The following PAN3 variants were observed in gnomAD, a reference collection of about 807,000 sequenced individuals.
The protein encoded by PAN3 is PAN2-PAN3 deadenylation complex subunit PAN3.
Under a neutral mutation model 96.2 loss-of-function variants are expected in PAN3, and 19 were observed. The observed-to-expected ratio is 0.20, with a 90% CI of 0.14 to 0.29. The LOEUF (loss-of-function observed/expected upper bound fraction) is 0.29, where lower values mean the gene tolerates loss of function less well. PAN3 is among the 10% of genes least tolerant of loss of function. PAN3 has a pLI of 1.00. For missense variants in PAN3, 882 were observed against 1,108.1 expected (o/e 0.80, Z 2.90); for synonymous variants, 433 against 406.6 (o/e 1.06, Z -0.78).
intron 6 of PAN3, among the ~76,000 whole-genome samples, chr13:28,235,764 C>T (rs1056045926): frequency 6.6e-6 from 1 of 150,502 alleles, no homozygotes; most frequent in Non-Finnish European, 1.5e-5. Context: ...AGGCTGTAGC[C>T]CAGGCTGGAG....
At chr13:28,241,132 G>A (rs1883623017) in intron 6 of PAN3, among the ~76,000 whole-genome samples, 1 of 152,106 alleles carries the variant, frequency 6.6e-6, no homozygotes, top group South Asian at 2.1e-4. Flanking sequence ...GTGGTGGCAT[G>A]TGCTGGTGAT....
intron 4 of PAN3, among the ~76,000 whole-genome samples, chr13:28,179,509 G>T (rs1051348639): frequency 6.6e-6 from 1 of 152,160 alleles, no homozygotes; most frequent in Admixed American, 6.6e-5. Flanking sequence ...GAGCCCAGGA[G>T]TTTGAGACCA....
chr13:28,215,536 C>A, intron 5 of PAN3: 1 of 681,882 alleles, frequency 1.5e-6, no homozygotes, highest in East Asian at 2.7e-5. Flanking sequence ...CCTCACTGCT[C>A]AGTGATTATT....
intron 1 of PAN3, among the ~76,000 whole-genome samples, chr13:28,157,721 A>G (rs1338704765): frequency 1.3e-5 from 2 of 152,238 alleles, no homozygotes; most frequent in Admixed American, 6.5e-5. Context: ...CACAAATGCA[A>G]AAACATTCGA....
chr13:28,280,881 G>T (rs1018355510), intron 16 of PAN3, among the ~76,000 whole-genome samples: 4 of 152,128 alleles, frequency 2.6e-5, no homozygotes, highest in Non-Finnish European at 5.9e-5. Flanking sequence ...GTAATTAAAA[G>T]AATGTACACA....
chr13:28,170,154 G>T (rs1593401312), intron 1 of PAN3, among the ~76,000 whole-genome samples: 1 of 152,302 alleles, frequency 6.6e-6, no homozygotes, highest in East Asian at 1.9e-4. Flanking sequence ...CCAGTCAGGT[G>T]TTTCCTCTGC....
intron 1 of PAN3, among the ~76,000 whole-genome samples, chr13:28,139,359 A>C: frequency 1.4e-5 from 1 of 72,628 alleles, no homozygotes; most frequent in African/African-American, 5.3e-5. Context: ...GGCGGGGAGG[A>C]AGGGGGATGG....
chr13:28,149,810 T>A (rs367747866), intron 1 of PAN3, among the ~76,000 whole-genome samples: 35 of 152,184 alleles, frequency 2.3e-4, no homozygotes, highest in African/African-American at 8.2e-4. Context: ...AGAGATAGGG[T>A]CTTGCTGTGT....
At chr13:28,198,226 C>G (rs1878294487) in intron 5 of PAN3, among the ~76,000 whole-genome samples, 1 of 151,178 alleles carries the variant, frequency 6.6e-6, no homozygotes, top group Admixed American at 6.6e-5. Flanking sequence ...GCGGAGGTTG[C>G]AGCAAGCCGA....
rs763458596 is a variant in PAN3, at chr13:28,197,190, G to T, written c.696G>T (p.Arg232Ser). 1 of 1,612,298 alleles carries T rather than the reference G, an allele frequency of 6.2e-7. No homozygotes were observed. Among genetic ancestry groups the T allele is most frequent in the Non-Finnish European group, 8.5e-7 (1 of 1,179,196 alleles). ...TCTTTCCTTCTTTTTCCTAGCCAAG[G>T]AAGTATCGCCTGGGGATGCTGGAGG... Reference protein sequence around the residue: ...ALNISQRRKPRKYRLGMLEER... With the variant: ...ALNISQRRKPSKYRLGMLEER... The change falls in exon 5 of 19, where the codon AGG (arginine) becomes AGT (serine). Residue 232 changes from arginine (R) to serine (S), a missense_variant. By Grantham distance (110) the Arg-to-Ser change is moderately radical. Transcript: ENST00000380958.
At chr13:28,204,917 G>A (rs548648593) in intron 5 of PAN3, among the ~76,000 whole-genome samples, 1 of 152,208 alleles carries the variant, frequency 6.6e-6, no homozygotes, top group South Asian at 2.1e-4. Flanking sequence ...CATGTGTTAG[G>A]GGATCCATTT....
At chr13:28,235,573 C>T (rs1043415961) in intron 6 of PAN3, among the ~76,000 whole-genome samples, 1 of 151,922 alleles carries the variant, frequency 6.6e-6, no homozygotes, top group Non-Finnish European at 1.5e-5. Flanking sequence ...ATGTCATTTT[C>T]TTGGAAGTCA....
intron 1 of PAN3, among the ~76,000 whole-genome samples, chr13:28,147,075 C>T (rs960604627): frequency 2.6e-5 from 4 of 152,100 alleles, no homozygotes; most frequent in Admixed American, 6.5e-5. Flanking sequence ...GGTTTGTTAT[C>T]GACCAAAACA....
intron 6 of PAN3, among the ~76,000 whole-genome samples, chr13:28,222,492 T>A (rs1881514218): frequency 6.6e-6 from 1 of 152,160 alleles, no homozygotes; most frequent in African/African-American, 2.4e-5. Context: ...TTCATTCAGA[T>A]GACAACTCAG....
chr13:28,215,607 C>T (rs1593490507), intron 5 of PAN3: 1 of 913,070 alleles, frequency 1.1e-6, no homozygotes, highest in South Asian at 1.4e-5. Flanking sequence ...CCACACAGCC[C>T]ATGTTGCATC....
intron 4 of PAN3, among the ~76,000 whole-genome samples, chr13:28,186,389 C>G (rs1473390284): frequency 6.6e-6 from 1 of 152,186 alleles, no homozygotes; most frequent in Non-Finnish European, 1.5e-5. Context: ...AACCTTCTCT[C>G]AGACTTACTT....
chr13:28,174,380 AT>A lies in PAN3; in HGVS notation c.540del (p.Leu182Ter). 6.2e-7 allele frequency: 1 copy of A among 1,613,190 alleles called. No individual in the cohort carries two copies. Among genetic ancestry groups the A allele is most frequent in the Non-Finnish European group, 8.5e-7 (1 of 1,179,294 alleles). ...NGFGSPVETK[Y>X]PLMQRMTNSS... Reference sequence around the variant, plus strand: ...TTTGGAAGCCCTGTAGAAACAAAATATCCCCTGATGCAGGTATCCTTAGTAT... The same window carrying A: ...TTTGGAAGCCCTGTAGAAACAAAATACCCCTGATGCAGGTATCCTTAGTAT... On this transcript the variant is annotated frameshift_variant, in exon 2 of 19. Transcript: ENST00000380958. LOFTEE classifies it high-confidence loss of function.
chr13:28,194,253 A>G (rs1459208166), intron 4 of PAN3, among the ~76,000 whole-genome samples: 1 of 151,682 alleles, frequency 6.6e-6, no homozygotes, highest in African/African-American at 2.4e-5. Context: ...TCATGCATTC[A>G]GATATATGAC....
chr13:28,265,128 C>G (rs567828272), intron 9 of PAN3, among the ~76,000 whole-genome samples: 1 of 152,296 alleles, frequency 6.6e-6, no homozygotes, highest in East Asian at 1.9e-4. Context: ...TTTTAACTTC[C>G]TTATGGACAT....
Sources: allele counts gnomAD v4.1 joint callset (sites outside exome capture counted in the v4.1 genomes callset), GRCh38; gene constraint gnomAD v4.1.1; transcripts MANE v1.5; gene names NCBI Gene and HGNC (gene_info 2026-07-23, HGNC 2026-07-21).